The following XG variants were observed in gnomAD, a reference collection of about 807,000 sequenced individuals.
XG encodes Xg glycoprotein (Xg blood group).
Under a neutral mutation model 25.7 loss-of-function variants are expected in XG, and 24 were observed. That is an observed-to-expected ratio of 0.93 (90% CI 0.68 to 1.31). XG has a LOEUF of 1.31. Among genes scored for constraint, XG ranks in the 40% most tolerant of loss-of-function variants. The probability of loss-of-function intolerance (pLI) is 0.00; values close to 1 mark genes in which losing one functional copy is unlikely to be tolerated. For synonymous variants in XG, 77 were observed against 69.2 expected, an observed-to-expected ratio of 1.11 and a Z score of -0.56; for missense variants, 181 against 187.6, an observed-to-expected ratio of 0.96 and a Z score of 0.21.
intron 7 of XG, among the ~76,000 whole-genome samples, chrX:2,803,000 G>A (rs1603457878): frequency 3.6e-5 from 4 of 111,297 alleles, no homozygotes; most frequent in African/African-American, 9.8e-5. Flanking sequence ...CTACAGGCAC[G>A]ATGCAGTCGG....
intron 6 of XG, among the ~76,000 whole-genome samples, chrX:2,796,237 A>G (rs1291712702): frequency 5.6e-5 from 6 of 107,111 alleles, no homozygotes; most frequent in Non-Finnish European, 1.1e-4. Context: ...ATATCTATAC[A>G]TAACCTTTAT....
intron 4 of XG, among the ~76,000 whole-genome samples, chrX:2,785,460 A>ATT (rs11371846): frequency 2.8e-4 from 30 of 108,437 alleles, no homozygotes; most frequent in African/African-American, 9.0e-4. Flanking sequence ...ACTTAAAAAA[A>ATT]TTTTTTTGTA....
chrX:2,803,798 C>T (rs1206717907), intron 7 of XG, among the ~76,000 whole-genome samples: 2 of 111,627 alleles, frequency 1.8e-5, no homozygotes, highest in African/African-American at 6.5e-5. Context: ...ACTCTTGAGC[C>T]AGAGGCTGCA....
intron 3 of XG, among the ~76,000 whole-genome samples, chrX:2,776,910 G>A (rs1199067800): frequency 2.0e-5 from 3 of 152,226 alleles, no homozygotes; most frequent in Admixed American, 6.5e-5. Flanking sequence ...ACTGCCATGA[G>A]AGATGTCAGG....
chrX:2,763,668 AGCAATGTATAGCCT>A (rs2050614379), intron 1 of XG, among the ~76,000 whole-genome samples: 1 of 152,168 alleles, frequency 6.6e-6, no homozygotes, highest in Non-Finnish European at 1.5e-5. Flanking sequence ...TTTAGATCAA[AGCAATGTATAGCCT>A]GCATGTATTA....
intron 4 of XG, among the ~76,000 whole-genome samples, chrX:2,784,398 C>A (rs898536718): frequency 2.0e-4 from 22 of 109,938 alleles, no homozygotes; most frequent in Admixed American, 4.9e-4. Context: ...GCCTGGCCAA[C>A]ATGGTGAAAC....
At chrX:2,805,567 G>A (rs1198610963) in intron 7 of XG, among the ~76,000 whole-genome samples, 5 of 105,226 alleles carry the variant, frequency 4.8e-5, no homozygotes, top group Admixed American at 2.1e-4. Context: ...TAGACTGGGT[G>A]GCTTAGAAAC....
intron 3 of XG, among the ~76,000 whole-genome samples, chrX:2,781,675 C>G (rs1468568822): frequency 8.9e-6 from 1 of 111,754 alleles, no homozygotes; most frequent in Non-Finnish European, 1.9e-5. Flanking sequence ...GAAATAGCAA[C>G]CCAGTTGGGT....
rs192677565 is a variant in XG at position 2,759,816 on chromosome X, G to A, written c.61+7481G>A. Among the ~76,000 whole-genome samples, 75 of 152,308 alleles carry A rather than the reference G, an allele frequency of 4.9e-4. 1 individual carries two copies. In the East Asian group the frequency reaches 0.013, roughly 26 times the overall value. ...CTGCAGGTGGGGCTCTGCCAGACACGGCAAAGCTCCTGGGGATTCCCCCGA... is the reference window on the plus strand; with the variant it reads ...CTGCAGGTGGGGCTCTGCCAGACACAGCAAAGCTCCTGGGGATTCCCCCGA... On this transcript the variant is annotated intron_variant, in intron 1 of 10. Coordinates refer to ENST00000644266, the MANE Select transcript of XG (RefSeq NM_001141919.2).
intron 1 of XG, among the ~76,000 whole-genome samples, chrX:2,766,739 G>C (rs1462939318): frequency 6.7e-6 from 1 of 150,286 alleles, no homozygotes; most frequent in South Asian, 2.1e-4. Flanking sequence ...TAATTTTTTT[G>C]TATTTTTACT....
intron 1 of XG, among the ~76,000 whole-genome samples, chrX:2,757,767 T>C (rs2050465985): frequency 6.7e-6 from 1 of 149,456 alleles, no homozygotes; most frequent in Admixed American, 6.7e-5. Flanking sequence ...AGGTCAGGAG[T>C]TTGAGACCAG....
intron 1 of XG, among the ~76,000 whole-genome samples, chrX:2,761,282 C>T (rs569589975): frequency 1.0e-3 from 158 of 152,098 alleles, no homozygotes; most frequent in African/African-American, 3.5e-3. Flanking sequence ...GAGGGATGAC[C>T]CTGTAAAGAC....
intron 8 of XG, among the ~76,000 whole-genome samples, chrX:2,807,731 A>C (rs2087015855): frequency 8.9e-6 from 1 of 111,913 alleles, no homozygotes; most frequent in Admixed American, 9.4e-5. Flanking sequence ...GTGTGTGTGC[A>C]CGTGTGTATG....
At chrX:2,753,325 A>C (rs73190912) in intron 1 of XG, among the ~76,000 whole-genome samples, 4 of 152,136 alleles carry the variant, frequency 2.6e-5, no homozygotes, top group African/African-American at 9.7e-5. Context: ...GCTTCTGTTT[A>C]CAGGGAGATG....
At chrX:2,780,453 G>A (rs953757706) in intron 3 of XG, among the ~76,000 whole-genome samples, 10 of 145,808 alleles carry the variant, frequency 6.9e-5, no homozygotes, top group African/African-American at 2.5e-4. Flanking sequence ...AATTAGGCCA[G>A]GCGAGGTGGC....
At chrX:2,795,073 C>T (rs1387349772) in intron 6 of XG, among the ~76,000 whole-genome samples, 2 of 109,018 alleles carry the variant, frequency 1.8e-5, no homozygotes, top group African/African-American at 3.3e-5. Context: ...TGTGTATATA[C>T]ATGCTTTTGT....
chrX:2,779,621 A>G (rs2124480767), intron 3 of XG, among the ~76,000 whole-genome samples: 1 of 152,268 alleles, frequency 6.6e-6, no homozygotes, highest in East Asian at 1.9e-4. Context: ...GTACTTGCAT[A>G]TAATGCAAGT....
At chrX:2,767,567 G>T (rs934456376) in intron 1 of XG, among the ~76,000 whole-genome samples, 1 of 152,114 alleles carries the variant, frequency 6.6e-6, no homozygotes, top group Non-Finnish European at 1.5e-5. Context: ...AATAAACCCC[G>T]TGAAAGCAAT....
chrX:2,759,555 C>A (rs1466000150), intron 1 of XG, among the ~76,000 whole-genome samples: 2 of 152,146 alleles, frequency 1.3e-5, no homozygotes, highest in African/African-American at 4.8e-5. Context: ...GCTGAGCATT[C>A]CATAGTTTCC....
Sources: gnomAD v4.1 joint callset for allele counts (sites outside exome capture counted in the v4.1 genomes callset) on GRCh38, gnomAD v4.1.1 for gene constraint, MANE v1.5 for transcripts, NCBI Gene and HGNC (gene_info 2026-07-23, HGNC 2026-07-21) for gene names.